Variants in AFG2A observed in about 807,000 individuals in gnomAD.
The protein encoded by AFG2A is ATPase family gene 2 protein homolog A.
chr4:123,156,781 A>G, the AFG2A span, among the ~76,000 whole-genome samples: 9 of 151,538 alleles, frequency 5.9e-5, no homozygotes, highest in East Asian at 1.9e-4. Context: ...AAAAAAGAAA[A>G]AAAAAGAAAC....
At chr4:122,980,152 A>C in the AFG2A span, among the ~76,000 whole-genome samples, 1 of 152,074 alleles carries the variant, frequency 6.6e-6, no homozygotes, top group Non-Finnish European at 1.5e-5. Context: ...CTCATTTCTA[A>C]ATTTTTATTT....
At chr4:123,006,939 T>TC in the AFG2A span, among the ~76,000 whole-genome samples, 2 of 7,986 alleles carry the variant, frequency 2.5e-4, no homozygotes, top group Non-Finnish European at 2.0e-3. Flanking sequence ...TTTTACTCTC[T>TC]TTTTTTTTCT....
the AFG2A span, among the ~76,000 whole-genome samples, chr4:123,235,358 CA>C: frequency 2.2e-3 from 332 of 152,242 alleles, 2 homozygotes; most frequent in Middle Eastern, 0.014. Context: ...GAAAAGTGCT[CA>C]CATAGTTTTT....
the AFG2A span, among the ~76,000 whole-genome samples, chr4:122,938,458 T>A: frequency 1.3e-5 from 2 of 152,184 alleles, no homozygotes; most frequent in African/African-American, 4.8e-5. Flanking sequence ...CCTGGCAGGT[T>A]TTTTCTAGCA....
chr4:123,136,319 A>T, the AFG2A span, among the ~76,000 whole-genome samples: 2 of 151,248 alleles, frequency 1.3e-5, no homozygotes, highest in Non-Finnish European at 2.9e-5. Flanking sequence ...AGATCACCTG[A>T]GGTCGGGAGT....
the AFG2A span, among the ~76,000 whole-genome samples, chr4:123,002,673 C>A: frequency 0.012 from 1,837 of 152,224 alleles, 41 homozygotes; most frequent in African/African-American, 0.041. Flanking sequence ...CCGAGAGATC[C>A]GCTGTTAGTC....
At chr4:122,934,107 T>G in the AFG2A span, 1 of 1,591,302 alleles carries the variant, frequency 6.3e-7, no homozygotes, top group South Asian at 1.1e-5. Flanking sequence ...ATGGCAAGAT[T>G]GTTTTACCAG....
the AFG2A span, among the ~76,000 whole-genome samples, chr4:123,113,090 G>T: frequency 6.6e-6 from 1 of 152,094 alleles, no homozygotes; most frequent in Admixed American, 6.5e-5. Context: ...CAATGTGTTT[G>T]GATTCAAGGA....
the AFG2A span, among the ~76,000 whole-genome samples, chr4:123,208,926 C>T: frequency 7.9e-5 from 12 of 152,100 alleles, no homozygotes; most frequent in Non-Finnish European, 1.5e-4. Flanking sequence ...CTAGTGGCTT[C>T]AGGGTGGGGT....
At chr4:123,232,545 G>A in the AFG2A span, among the ~76,000 whole-genome samples, 3 of 151,960 alleles carry the variant, frequency 2.0e-5, no homozygotes, top group Admixed American at 1.3e-4. Flanking sequence ...GGAGTGAGAG[G>A]GACAGATTTG....
the AFG2A span, among the ~76,000 whole-genome samples, chr4:122,939,150 A>C: frequency 4.5e-5 from 6 of 133,228 alleles, no homozygotes; most frequent in African/African-American, 1.4e-4. Context: ...CAATGGCACA[A>C]TCTCGGCTCA....
chr4:123,142,585 C>T, the AFG2A span, among the ~76,000 whole-genome samples: 1 of 152,120 alleles, frequency 6.6e-6, no homozygotes, highest in African/African-American at 2.4e-5. Context: ...TCTTAAACAA[C>T]TTGAGATACG....
the AFG2A span, among the ~76,000 whole-genome samples, chr4:123,017,656 A>T: frequency 6.6e-6 from 1 of 151,782 alleles, no homozygotes; most frequent in African/African-American, 2.4e-5. Context: ...TACACTTATG[A>T]TTTCTAAACA....
the AFG2A span, among the ~76,000 whole-genome samples, chr4:122,984,434 C>T: frequency 1.3e-5 from 2 of 152,050 alleles, no homozygotes; most frequent in South Asian, 2.1e-4. Flanking sequence ...GATTTGGATG[C>T]CTTTCATTTC....
At chr4:123,199,026 G>A in the AFG2A span, among the ~76,000 whole-genome samples, 2 of 152,120 alleles carry the variant, frequency 1.3e-5, no homozygotes, top group Non-Finnish European at 2.9e-5. Flanking sequence ...AGAAGGAGTG[G>A]TCTCTTGAGC....
chr4:123,093,076 A>G, the AFG2A span, among the ~76,000 whole-genome samples: 1 of 152,146 alleles, frequency 6.6e-6, no homozygotes, highest in African/African-American at 2.4e-5. Context: ...GGGAGAAGAT[A>G]TGTTTCTATC....
chr4:123,242,664 A>G, the AFG2A span, among the ~76,000 whole-genome samples: 1 of 152,270 alleles, frequency 6.6e-6, no homozygotes. Flanking sequence ...AAACGTAGGC[A>G]GTACCATTCA....
the AFG2A span, among the ~76,000 whole-genome samples, chr4:123,038,551 C>CAAG: frequency 6.6e-6 from 1 of 152,010 alleles, no homozygotes; most frequent in Non-Finnish European, 1.5e-5. Context: ...AAATAACCTC[C>CAAG]CTTGGTAATG....
At chr4:122,988,744 T>C in the AFG2A span, among the ~76,000 whole-genome samples, 1 of 152,172 alleles carries the variant, frequency 6.6e-6, no homozygotes, top group Non-Finnish European at 1.5e-5. Flanking sequence ...TTCTTCTGGG[T>C]CTGTTGTAAT....
Sources: gnomAD v4.1 joint callset for allele counts (sites outside exome capture counted in the v4.1 genomes callset) on GRCh38, gnomAD v4.1.1 for gene constraint, MANE v1.5 for transcripts, NCBI Gene and HGNC (gene_info 2026-07-23, HGNC 2026-07-21) for gene names.